The following MARCHF1 variants were observed in gnomAD, a reference collection of about 807,000 sequenced individuals.
MARCHF1 encodes the protein membrane associated ring-CH-type finger 1.
MARCHF1 carries 40 observed loss-of-function variants against 54.2 expected under a neutral mutation model. The observed-to-expected ratio is 0.74, with a 90% CI of 0.57 to 0.96. The LOEUF is 0.96. MARCHF1 is among the 40% of genes least tolerant of loss of function. The pLI is 0.00. For missense variants in MARCHF1, 586 were observed against 656.5 expected, an observed-to-expected ratio of 0.89 and a Z score of 1.17; for synonymous variants, 236 against 236.3, an observed-to-expected ratio of 1.00 and a Z score of 0.01.
chr4:164,152,933 G>A (rs1729982762), intron 1 of MARCHF1, among the ~76,000 whole-genome samples: 1 of 151,036 alleles, frequency 6.6e-6, no homozygotes, highest in Non-Finnish European at 1.5e-5. Context: ...CCAAACCAAT[G>A]GATTTCTTAA....
chr4:163,672,203 A>C lies in MARCHF1; in HGVS notation c.162+28610T>G, dbSNP rs200587232. On this transcript the variant is annotated intron_variant, in intron 5 of 9. Coordinates refer to ENST00000514618, the MANE Select transcript of MARCHF1 (RefSeq NM_001394959.1). The stretch of plus-strand genomic sequence containing the variant: ...GGGATAATATTATTCACCCCATAGA[A>C]ACAGTTAATTGAGGTAAGATGTGTG... Among the ~76,000 whole-genome samples the C allele has an allele frequency of 1.2e-4, 19 of 152,356 alleles. No individual in the cohort carries two copies. The East Asian group carries it at 3.7e-3, about 29-fold the overall frequency.
intron 3 of MARCHF1, among the ~76,000 whole-genome samples, chr4:163,906,618 T>C (rs1364657752): frequency 6.6e-6 from 1 of 151,920 alleles, no homozygotes; most frequent in Non-Finnish European, 1.5e-5. Flanking sequence ...TCACCTTTTA[T>C]CAGCTATGTA....
intron 1 of MARCHF1, among the ~76,000 whole-genome samples, chr4:164,250,189 G>A (rs1373900916): frequency 6.6e-6 from 1 of 152,094 alleles, no homozygotes; most frequent in African/African-American, 2.4e-5. Context: ...TAGATTTGGG[G>A]TGAGTTATGT....
In MARCHF1 at chr4:163,685,001, T is replaced by C. The variant is rs550758911; in HGVS notation, c.162+15812A>G. On this transcript the variant is annotated intron_variant, in intron 5 of 9. Transcript: ENST00000514618. ...ATTCCTAAATAATTCAGAATGCATA[T>C]CATTAACTATTAAACAGCATTGAAT... Among the ~76,000 whole-genome samples, 39 of 152,268 alleles carry C rather than the reference T, an allele frequency of 2.6e-4. 1 individual carries two copies. In the South Asian group the frequency reaches 7.7e-3, roughly 30 times the overall value.
At position 164,104,789 on chromosome 4, in the gene MARCHF1, T is replaced by G. The variant is rs1322790086; in HGVS notation, c.-248+6799A>C. 1.7e-4 allele frequency among the ~76,000 whole-genome samples: 6 copies of G among 34,578 alleles called. No individual in the cohort carries two copies. In the East Asian group the frequency reaches 2.5e-3, roughly 14 times the overall value. The allele number at this position is 34,578 out of a possible 152,430, so 22.7% of individuals were successfully genotyped here. On this transcript the variant is annotated intron_variant, in intron 2 of 9. Coordinates refer to ENST00000514618, the MANE Select transcript of MARCHF1 (RefSeq NM_001394959.1). ...AGGGCAATTAGGCAGGAGAAGGAAA[T>G]AAAGGGTATTCAATTAGGAAAAGAG...
chr4:163,803,638 A>G (rs1318010039), intron 4 of MARCHF1, among the ~76,000 whole-genome samples: 2 of 152,214 alleles, frequency 1.3e-5, no homozygotes, highest in African/African-American at 2.4e-5. Flanking sequence ...GATATTGATA[A>G]TAAAAGGTAG....
intron 2 of MARCHF1, among the ~76,000 whole-genome samples, chr4:164,068,627 G>A (rs1454489768): frequency 6.6e-6 from 1 of 152,166 alleles, no homozygotes; most frequent in African/African-American, 2.4e-5. Context: ...TGCCATGCCT[G>A]AGCCTCCCCC....
intron 3 of MARCHF1, among the ~76,000 whole-genome samples, chr4:163,855,864 T>C (rs1029344376): frequency 2.6e-5 from 4 of 152,192 alleles, no homozygotes; most frequent in African/African-American, 7.2e-5. Context: ...TGTCATTTCT[T>C]ATACTCAGTC....
intron 1 of MARCHF1, among the ~76,000 whole-genome samples, chr4:164,295,508 G>A (rs1269761726): frequency 6.6e-6 from 1 of 151,862 alleles, no homozygotes; most frequent in Non-Finnish European, 1.5e-5. Context: ...TTTCCCACAA[G>A]GAAACTATAT....
intron 4 of MARCHF1, among the ~76,000 whole-genome samples, chr4:163,736,866 A>C (rs998558997): frequency 6.6e-6 from 1 of 152,184 alleles, no homozygotes; most frequent in African/African-American, 2.4e-5. Flanking sequence ...TCTTGCATAA[A>C]ATATACTGTC....
intron 2 of MARCHF1, among the ~76,000 whole-genome samples, chr4:164,054,895 A>G (rs1026936944): frequency 6.6e-6 from 1 of 151,732 alleles, no homozygotes; most frequent in Non-Finnish European, 1.5e-5. Context: ...AACATGCACA[A>G]TGTGCACATG....
At chr4:164,016,297 G>GC (rs889899134) in intron 2 of MARCHF1, among the ~76,000 whole-genome samples, 4 of 152,006 alleles carry the variant, frequency 2.6e-5, no homozygotes, top group African/African-American at 7.2e-5. Context: ...AGGGGGAAGA[G>GC]CCCCTTATAA....
intron 5 of MARCHF1, among the ~76,000 whole-genome samples, chr4:163,624,535 C>T (rs1394258384): frequency 6.6e-6 from 1 of 152,186 alleles, no homozygotes; most frequent in Non-Finnish European, 1.5e-5. Flanking sequence ...AAGTTCTTGT[C>T]CCAGGTTCTG....
At chr4:163,839,954 C>T (rs1204611105) in intron 4 of MARCHF1, among the ~76,000 whole-genome samples, 1 of 151,942 alleles carries the variant, frequency 6.6e-6, no homozygotes, top group Non-Finnish European at 1.5e-5. Flanking sequence ...CTTTGGAAAA[C>T]ATGGATCATA....
chr4:164,361,575 A>G (rs1177830091), intron 1 of MARCHF1, among the ~76,000 whole-genome samples: 1 of 152,086 alleles, frequency 6.6e-6, no homozygotes, highest in Non-Finnish European at 1.5e-5. Context: ...ATTTTTGTAT[A>G]TATTCATGCA....
In MARCHF1 at chr4:163,693,014, C is replaced by G. The variant is rs532406432; in HGVS notation, c.162+7799G>C. ...TCTGGCATGGACGTTAATATACAAT[C>G]ATGGTCCTGTTCCAGGGATATTTTG... On this transcript the variant is annotated intron_variant, in intron 5 of 9. Coordinates refer to ENST00000514618, the MANE Select transcript of MARCHF1 (RefSeq NM_001394959.1). Among the ~76,000 whole-genome samples, 55 of 151,528 alleles carry G rather than the reference C, an allele frequency of 3.6e-4. 4 individuals are homozygous for G. The highest frequency in any genetic ancestry group is 3.0e-3 in the Admixed American group (45 of 15,206).
intron 1 of MARCHF1, among the ~76,000 whole-genome samples, chr4:164,316,448 A>G (rs952182188): frequency 6.6e-6 from 1 of 152,152 alleles, no homozygotes; most frequent in Non-Finnish European, 1.5e-5. Flanking sequence ...GTAGAAAGGA[A>G]AGTTTTGTTT....
At chr4:163,841,562 T>G (rs1481990917) in intron 4 of MARCHF1, among the ~76,000 whole-genome samples, 1 of 152,142 alleles carries the variant, frequency 6.6e-6, no homozygotes, top group Non-Finnish European at 1.5e-5. Context: ...ATGCATATAG[T>G]TGCATTAATT....
At chr4:163,598,989 T>C (rs980596303) in intron 7 of MARCHF1, among the ~76,000 whole-genome samples, 1 of 152,184 alleles carries the variant, frequency 6.6e-6, no homozygotes, top group Non-Finnish European at 1.5e-5. Context: ...ATAAGCTTTT[T>C]CTATTTAAAA....
Sources: gnomAD v4.1 joint callset for allele counts (sites outside exome capture counted in the v4.1 genomes callset) on GRCh38, gnomAD v4.1.1 for gene constraint, MANE v1.5 for transcripts, NCBI Gene and HGNC (gene_info 2026-07-23, HGNC 2026-07-21) for gene names.